The following SGCZ variants were observed in gnomAD, a reference collection of about 807,000 sequenced individuals.
SGCZ encodes zeta-sarcoglycan.
Under a neutral mutation model 41.3 loss-of-function variants are expected in SGCZ, and 40 were observed. That is an observed-to-expected ratio of 0.97 (90% CI 0.75 to 1.26). The LOEUF (loss-of-function observed/expected upper bound fraction) is 1.26, where lower values mean the gene tolerates loss of function less well. Ranked by LOEUF, SGCZ falls within the 50% of genes most tolerant of loss-of-function variation. SGCZ has a pLI of 0.00. For synonymous variants in SGCZ, 206 were observed against 137.5 expected (o/e 1.50, Z -3.49); for missense variants, 552 against 369.8 (o/e 1.49, Z -4.04).
chr8:14,820,257 G>T (rs1802034133), intron 1 of SGCZ, among the ~76,000 whole-genome samples: 1 of 151,970 alleles, frequency 6.6e-6, no homozygotes, highest in African/African-American at 2.4e-5. Flanking sequence ...TTAAGTCAGA[G>T]ACTGAAGAGA....
intron 1 of SGCZ, among the ~76,000 whole-genome samples, chr8:14,898,269 T>C (rs1805277353): frequency 6.6e-6 from 1 of 151,900 alleles, no homozygotes; most frequent in African/African-American, 2.4e-5. Flanking sequence ...TTCTAAGATG[T>C]GTTTAAAGGA....
intron 1 of SGCZ, among the ~76,000 whole-genome samples, chr8:14,804,633 G>C (rs1481214477): frequency 6.9e-6 from 1 of 145,758 alleles, no homozygotes; most frequent in Admixed American, 7.1e-5. Context: ...GCAGAGAATG[G>C]AACCAAGTTG....
At chr8:15,140,122 C>A (rs1808267397) in intron 1 of SGCZ, among the ~76,000 whole-genome samples, 3 of 151,972 alleles carry the variant, frequency 2.0e-5, no homozygotes, top group Admixed American at 2.0e-4. Flanking sequence ...CAGGCTCAAG[C>A]AACATTCCTC....
At chr8:14,744,639 C>T (rs1026464636) in intron 1 of SGCZ, among the ~76,000 whole-genome samples, 1 of 152,102 alleles carries the variant, frequency 6.6e-6, no homozygotes, top group Non-Finnish European at 1.5e-5. Flanking sequence ...AAGAAAAATA[C>T]TTTAACTTGG....
At chr8:15,190,335 T>TTCATTCAC (rs71211015) in intron 1 of SGCZ, among the ~76,000 whole-genome samples, 3 of 56,232 alleles carry the variant, frequency 5.3e-5, no homozygotes, top group Non-Finnish European at 1.7e-4. Flanking sequence ...GATAATTCAT[T>TTCATTCAC]TCATTCATTC....
intron 5 of SGCZ, among the ~76,000 whole-genome samples, chr8:14,119,056 G>C (rs935534738): frequency 2.0e-5 from 3 of 151,964 alleles, no homozygotes; most frequent in Admixed American, 6.6e-5. Flanking sequence ...CTCTTTTTTG[G>C]TTCCATATGA....
chr8:14,281,462 A>C (rs1800435223), intron 3 of SGCZ, among the ~76,000 whole-genome samples: 1 of 101,720 alleles, frequency 9.8e-6, no homozygotes, highest in Non-Finnish European at 2.7e-5. Context: ...TAATTTTTTT[A>C]TATCATAGAA....
intron 1 of SGCZ, among the ~76,000 whole-genome samples, chr8:14,799,879 G>T (rs1014378856): frequency 1.3e-5 from 2 of 152,070 alleles, no homozygotes; most frequent in South Asian, 4.1e-4. Flanking sequence ...TACTAGAGAA[G>T]AAGAAGAAAT....
At chr8:14,688,169 C>A (rs1342329886) in intron 1 of SGCZ, among the ~76,000 whole-genome samples, 1 of 152,074 alleles carries the variant, frequency 6.6e-6, no homozygotes, top group Non-Finnish European at 1.5e-5. Context: ...ATGGTAGTTT[C>A]TTTTGCTGTG....
chr8:14,548,339 G>A (rs752607653), intron 2 of SGCZ, among the ~76,000 whole-genome samples: 1 of 152,048 alleles, frequency 6.6e-6, no homozygotes, highest in East Asian at 1.9e-4. Context: ...CACCAATTTT[G>A]TATAAGAAAA....
intron 1 of SGCZ, among the ~76,000 whole-genome samples, chr8:14,812,300 T>A (rs986170623): frequency 7.9e-5 from 12 of 152,092 alleles, no homozygotes; most frequent in Admixed American, 7.9e-4. Context: ...CAGAATATTG[T>A]CTCTGCCCTG....
rs957334443 is a variant in SGCZ, at chr8:14,442,086, T to C, written c.234+112646A>G. On this transcript the variant is annotated intron_variant, in intron 2 of 7. Transcript: ENST00000382080. ...TTCGAATTACAAATTGCTGACTTCA[T>C]GCTATAAATAGCTTTTCCTGAGATC... Among the ~76,000 whole-genome samples the C allele has an allele frequency of 2.0e-5, 3 of 152,232 alleles. No individual in the cohort carries two copies. In the South Asian group the frequency reaches 6.2e-4, roughly 31 times the overall value.
intron 1 of SGCZ, among the ~76,000 whole-genome samples, chr8:15,008,007 A>C (rs1802667581): frequency 6.6e-6 from 1 of 152,176 alleles, no homozygotes; most frequent in African/African-American, 2.4e-5. Context: ...CAGTAAGTCA[A>C]TTCTAACTTG....
At chr8:15,006,902 G>C (rs1284376033) in intron 1 of SGCZ, among the ~76,000 whole-genome samples, 1 of 152,174 alleles carries the variant, frequency 6.6e-6, no homozygotes, top group Non-Finnish European at 1.5e-5. Flanking sequence ...TAGCAAAAAT[G>C]TTGACTTTTG....
chr8:14,193,889 A>C (rs1805184694), intron 4 of SGCZ, among the ~76,000 whole-genome samples: 2 of 151,852 alleles, frequency 1.3e-5, no homozygotes, highest in Non-Finnish European at 3.0e-5. Context: ...AGTCATTTTG[A>C]TTAATATATA....
At chr8:14,259,626 T>G (rs1404445138) in intron 3 of SGCZ, among the ~76,000 whole-genome samples, 5 of 132,896 alleles carry the variant, frequency 3.8e-5, no homozygotes, top group East Asian at 2.1e-4. Flanking sequence ...GTTGTAGATA[T>G]GCGGCGTTAT....
intron 4 of SGCZ, among the ~76,000 whole-genome samples, chr8:14,208,545 T>C (rs901622665): frequency 1.3e-5 from 2 of 152,176 alleles, no homozygotes; most frequent in East Asian, 1.9e-4. Context: ...CAAAGATATG[T>C]TCCTATCAAA....
intron 2 of SGCZ, among the ~76,000 whole-genome samples, chr8:14,408,950 A>AGTGTGTGTGTGT (rs36121697): frequency 6.9e-4 from 87 of 126,430 alleles, no homozygotes; most frequent in African/African-American, 1.8e-3. Context: ...TTAAATTAAG[A>AGTGTGTGTGTGT]GAGTGTGTGT....
intron 1 of SGCZ, among the ~76,000 whole-genome samples, chr8:15,118,544 G>A (rs924363371): frequency 6.6e-6 from 1 of 152,144 alleles, no homozygotes; most frequent in Non-Finnish European, 1.5e-5. Flanking sequence ...ATGTAAACCT[G>A]TCTGTGGATG....
Sources: gnomAD v4.1 joint callset for allele counts (sites outside exome capture counted in the v4.1 genomes callset) on GRCh38, gnomAD v4.1.1 for gene constraint, MANE v1.5 for transcripts, NCBI Gene and HGNC (gene_info 2026-07-23, HGNC 2026-07-21) for gene names.